Variants in EPHA7 observed in about 807,000 individuals in gnomAD.
The protein encoded by EPHA7 is EPH receptor A7, also known as ephrin type-A receptor 7.
A neutral mutation model predicts 112.6 loss-of-function variants in EPHA7; 25 were observed. The ratio of observed to expected loss-of-function variants is 0.22; its 90% CI spans 0.16 to 0.31. The LOEUF (loss-of-function observed/expected upper bound fraction) is 0.31, where lower values mean the gene tolerates loss of function less well. Among genes scored for constraint, EPHA7 ranks in the 10% least tolerant of loss-of-function variants. The pLI is 1.00. For synonymous variants in EPHA7, 437 were observed against 406.5 expected (o/e 1.07, Z -0.90); for missense variants, 962 against 1,212.6 (o/e 0.79, Z 3.07).
chr6:93,380,216 C>T lies in EPHA7; in HGVS notation c.833-21805G>A, dbSNP rs560650627. The stretch of plus-strand genomic sequence containing the variant: ...ACACATCAAATCTAATAATATCTCT[C>T]ATAATTCCTGCGCTCCAGTTCTAAA... On this transcript the variant is annotated intron_variant, in intron 3 of 16. Transcript: ENST00000369303. Among the ~76,000 whole-genome samples the T allele has an allele frequency of 1.2e-4, 19 of 152,180 alleles. No individual in the cohort carries two copies. The East Asian group carries it at 3.5e-3, about 28-fold the overall frequency.
At chr6:93,370,409 T>C (rs1776731772) in intron 3 of EPHA7, among the ~76,000 whole-genome samples, 1 of 152,198 alleles carries the variant, frequency 6.6e-6, no homozygotes, top group Non-Finnish European at 1.5e-5. Context: ...AATACTTTCA[T>C]TTCTGTTGGT....
intron 5 of EPHA7, among the ~76,000 whole-genome samples, chr6:93,314,399 A>G (rs1025997736): frequency 1.3e-4 from 20 of 152,196 alleles, no homozygotes; most frequent in African/African-American, 4.3e-4. Flanking sequence ...GGCTTGGATG[A>G]GTATTTAACA....
At chr6:93,406,776 T>C (rs1249199250) in intron 3 of EPHA7, among the ~76,000 whole-genome samples, 2 of 151,822 alleles carry the variant, frequency 1.3e-5, no homozygotes, top group Admixed American at 6.6e-5. Context: ...TCGAATAAAA[T>C]TGCATAAAAG....
chr6:93,408,140 A>G (rs908372709), intron 3 of EPHA7, among the ~76,000 whole-genome samples: 3 of 152,038 alleles, frequency 2.0e-5, no homozygotes, highest in Non-Finnish European at 4.4e-5. Flanking sequence ...TTTCTCAGAT[A>G]AATTTAATTG....
chr6:93,274,961 T>A (rs1249786190), intron 5 of EPHA7, among the ~76,000 whole-genome samples: 2 of 151,966 alleles, frequency 1.3e-5, no homozygotes, highest in African/African-American at 4.8e-5. Context: ...ATAAGGTATG[T>A]TAATCTTAAA....
intron 5 of EPHA7, among the ~76,000 whole-genome samples, chr6:93,313,864 A>C (rs935825327): frequency 1.3e-5 from 2 of 152,130 alleles, no homozygotes; most frequent in Admixed American, 1.3e-4. Context: ...ATCTGGGGCA[A>C]CAGTACCATG....
chr6:93,315,338 G>A (rs1773757516), intron 5 of EPHA7, among the ~76,000 whole-genome samples: 1 of 152,100 alleles, frequency 6.6e-6, no homozygotes, highest in Non-Finnish European at 1.5e-5. Flanking sequence ...TGTAAGCCAT[G>A]TGTCAAAGAT....
chr6:93,369,784 T>G (rs1776694760), intron 3 of EPHA7, among the ~76,000 whole-genome samples: 1 of 152,186 alleles, frequency 6.6e-6, no homozygotes, highest in Admixed American at 6.5e-5. Context: ...AATCTATGTT[T>G]ATTGAATGGA....
In EPHA7 at chr6:93,240,596, G is replaced by C. The variant is rs1769649241; in HGVS notation, c.*2830C>G. 4.6e-6 allele frequency: 1 copy of C among 218,330 alleles called. No homozygotes were observed. Among genetic ancestry groups the C allele is most frequent in the Non-Finnish European group, 9.2e-6 (1 of 108,802 alleles). 13.5% of individuals were successfully genotyped at this position (218,330 alleles called of 1,614,324 possible). ...AGTTACTTTTATTTCAGTACTGAAT[G>C]CAAAACACAGGTCAAGTGTGAGGAC... On this transcript the variant is annotated 3_prime_UTR_variant, in exon 17 of 17. Transcript: ENST00000369303.
At chr6:93,417,795 C>G (rs1458567297) in intron 1 of EPHA7, among the ~76,000 whole-genome samples, 1 of 152,016 alleles carries the variant, frequency 6.6e-6, no homozygotes, top group Non-Finnish European at 1.5e-5. Flanking sequence ...AAACGCGTAA[C>G]CGCCAGCTTG....
At chr6:93,328,452 G>A (rs1357982379) in intron 5 of EPHA7, among the ~76,000 whole-genome samples, 2 of 151,390 alleles carry the variant, frequency 1.3e-5, no homozygotes, top group Non-Finnish European at 3.0e-5. Flanking sequence ...AACAATATAT[G>A]AGAGTTTTAA....
At chr6:93,332,842 T>C (rs1026625098) in intron 5 of EPHA7, among the ~76,000 whole-genome samples, 3 of 151,756 alleles carry the variant, frequency 2.0e-5, no homozygotes, top group Admixed American at 6.6e-5. Context: ...ATCAAAATAA[T>C]AGAAACTAAT....
At chr6:93,281,414 G>A (rs933326789) in intron 5 of EPHA7, among the ~76,000 whole-genome samples, 5 of 152,114 alleles carry the variant, frequency 3.3e-5, no homozygotes, top group African/African-American at 4.8e-5. Context: ...AATTTTCCAT[G>A]AATTCATAGC....
Position 93,241,055 on chromosome 6 carries a change from GA to G in EPHA7, c.*2370del, listed in dbSNP as rs1562206720. ...ATTGCTGAAGGAAAAATTTATTTTTGAAAAAAACTCAAAAAAACTTTTATTC... is the reference window on the plus strand; with the variant it reads ...ATTGCTGAAGGAAAAATTTATTTTTGAAAAAACTCAAAAAAACTTTTATTC... On this transcript the variant is annotated 3_prime_UTR_variant, in exon 17 of 17. Coordinates refer to ENST00000369303, the MANE Select transcript of EPHA7 (RefSeq NM_004440.4). 9.6e-6 allele frequency: 2 copies of G among 207,316 alleles called. No individual in the cohort carries two copies. Among genetic ancestry groups the G allele is most frequent in the East Asian group, 7.4e-5 (1 of 13,580 alleles). 12.8% of individuals were successfully genotyped at this position (207,316 alleles called of 1,614,324 possible).
At chr6:93,377,297 A>C (rs1384708872) in intron 3 of EPHA7, among the ~76,000 whole-genome samples, 3 of 152,156 alleles carry the variant, frequency 2.0e-5, no homozygotes, top group African/African-American at 7.2e-5. Flanking sequence ...CTGTTTTAAT[A>C]CAAACAGGTA....
chr6:93,390,493 T>C (rs950535359), intron 3 of EPHA7, among the ~76,000 whole-genome samples: 12 of 151,458 alleles, frequency 7.9e-5, no homozygotes, highest in African/African-American at 2.9e-4. Flanking sequence ...ATCTTCATTT[T>C]GAGAACATAT....
intron 3 of EPHA7, among the ~76,000 whole-genome samples, chr6:93,399,371 G>T (rs1026048551): frequency 6.6e-6 from 1 of 151,934 alleles, no homozygotes; most frequent in African/African-American, 2.4e-5. Context: ...ATATCTACTT[G>T]AAAATAAAGA....
At chr6:93,389,954 A>G (rs1277945613) in intron 3 of EPHA7, among the ~76,000 whole-genome samples, 2 of 151,972 alleles carry the variant, frequency 1.3e-5, no homozygotes, top group East Asian at 3.9e-4. Context: ...GCAGTTTGTA[A>G]AAGATTGTCA....
At chr6:93,299,315 G>A (rs1379941639) in intron 5 of EPHA7, among the ~76,000 whole-genome samples, 1 of 150,070 alleles carries the variant, frequency 6.7e-6, no homozygotes, top group African/African-American at 2.5e-5. Context: ...GACAGAGCGA[G>A]ACTCCGTCTC....
Sources: gnomAD v4.1 joint callset for allele counts (sites outside exome capture counted in the v4.1 genomes callset) on GRCh38, gnomAD v4.1.1 for gene constraint, MANE v1.5 for transcripts, NCBI Gene and HGNC (gene_info 2026-07-23, HGNC 2026-07-21) for gene names.